PLEKHA7: variants seen among roughly 807,000 people sequenced by gnomAD.
The protein encoded by PLEKHA7 is pleckstrin homology domain-containing family A member 7.
A neutral mutation model predicts 170.0 loss-of-function variants in PLEKHA7; 104 were observed. That is an observed-to-expected ratio of 0.61 (90% confidence interval 0.52 to 0.72). PLEKHA7 has a LOEUF of 0.72. Ranked by LOEUF, PLEKHA7 falls within the 30% of genes least tolerant of loss-of-function variation. The pLI, the probability that PLEKHA7 is intolerant of heterozygous loss-of-function variation, is 0.00. For synonymous variants in PLEKHA7, 648 were observed against 660.8 expected, an observed-to-expected ratio of 0.98 and a Z score of 0.30; for missense variants, 1,615 against 1,671.7, an observed-to-expected ratio of 0.97 and a Z score of 0.59.
chr11:16,787,010 T>C (rs947560442), intron 23 of PLEKHA7: 1 of 983,924 alleles, frequency 1.0e-6, no homozygotes, highest in African/African-American at 1.7e-5. Flanking sequence ...AAAAAAAAAC[T>C]AAATCATATA....
chr11:16,842,318 T>A (rs1291587650), intron 8 of PLEKHA7: 1 of 154,840 alleles, frequency 6.5e-6, no homozygotes, highest in Non-Finnish European at 1.5e-5. Flanking sequence ...AGTCGGCTGA[T>A]CTGGCTGGCT....
At chr11:16,811,810 G>C (rs1455856758) in intron 13 of PLEKHA7, among the ~76,000 whole-genome samples, 2 of 152,112 alleles carry the variant, frequency 1.3e-5, no homozygotes, top group Non-Finnish European at 2.9e-5. Flanking sequence ...GCATGACCTA[G>C]TGCCACCTCC....
chr11:16,952,518 A>G (rs1290916159), intron 3 of PLEKHA7, among the ~76,000 whole-genome samples: 1 of 152,098 alleles, frequency 6.6e-6, no homozygotes, highest in Non-Finnish European at 1.5e-5. Flanking sequence ...AGTTTCTATC[A>G]TTTGCAGCTA....
chr11:17,007,961 A>G (rs1469659979), intron 3 of PLEKHA7, among the ~76,000 whole-genome samples: 1 of 152,214 alleles, frequency 6.6e-6, no homozygotes, highest in Non-Finnish European at 1.5e-5. Flanking sequence ...GCACCAAGCT[A>G]ATACTTTTTC....
intron 13 of PLEKHA7, among the ~76,000 whole-genome samples, chr11:16,811,058 G>A (rs1169135758): frequency 6.6e-6 from 1 of 152,128 alleles, no homozygotes; most frequent in African/African-American, 2.4e-5. Context: ...GACACTCAGG[G>A]ACTCTTAGTT....
intron 3 of PLEKHA7, among the ~76,000 whole-genome samples, chr11:16,974,098 A>C (rs995815634): frequency 6.6e-6 from 1 of 152,130 alleles, no homozygotes; most frequent in Non-Finnish European, 1.5e-5. Flanking sequence ...CTCACTTAAA[A>C]ATTTTAAAAT....
chr11:16,871,691 G>A (rs569216664), intron 3 of PLEKHA7, among the ~76,000 whole-genome samples: 1 of 152,254 alleles, frequency 6.6e-6, no homozygotes, highest in Admixed American at 6.5e-5. Flanking sequence ...GGATATAAAT[G>A]TATGGGCATG....
At chr11:16,797,342 G>A (rs114005140) in intron 17 of PLEKHA7, among the ~76,000 whole-genome samples, 157 of 152,184 alleles carry the variant, frequency 1.0e-3, no homozygotes, top group African/African-American at 3.6e-3. Context: ...ATCTCCTCTC[G>A]AGGCACCTAG....
chr11:16,822,045 C>G (rs1176491719), intron 10 of PLEKHA7, among the ~76,000 whole-genome samples: 1 of 151,852 alleles, frequency 6.6e-6, no homozygotes, highest in Non-Finnish European at 1.5e-5. Context: ...CCCCACCCAC[C>G]TCTCATTTCC....
intron 3 of PLEKHA7, among the ~76,000 whole-genome samples, chr11:16,935,276 A>G (rs177561): frequency 0.87 from 132,031 of 152,156 alleles, 57,310 homozygotes; most frequent in South Asian, 0.91. Context: ...CTCCACAAAA[A>G]TACAACATTA....
intron 3 of PLEKHA7, among the ~76,000 whole-genome samples, chr11:16,943,720 T>C (rs1297616897): frequency 1.3e-5 from 2 of 152,292 alleles, no homozygotes; most frequent in East Asian, 1.9e-4. Context: ...CTCGCATTCA[T>C]CATTTCATCA....
At chr11:16,925,608 T>C (rs1859462004) in intron 3 of PLEKHA7, among the ~76,000 whole-genome samples, 1 of 152,156 alleles carries the variant, frequency 6.6e-6, no homozygotes, top group Non-Finnish European at 1.5e-5. Flanking sequence ...CGCGGCTCCA[T>C]GCGACTGCTT....
chr11:16,865,441 T>C (rs1854307046), intron 4 of PLEKHA7, among the ~76,000 whole-genome samples: 1 of 152,160 alleles, frequency 6.6e-6, no homozygotes, highest in South Asian at 2.1e-4. Context: ...ATTAGCACTC[T>C]AGGCCAGGCG....
intron 4 of PLEKHA7, among the ~76,000 whole-genome samples, chr11:16,868,493 C>G (rs768402288): frequency 1.3e-5 from 2 of 152,190 alleles, no homozygotes; most frequent in Non-Finnish European, 2.9e-5. Flanking sequence ...ATTCCCTACT[C>G]AACTGTAAGC....
intron 3 of PLEKHA7, among the ~76,000 whole-genome samples, chr11:16,929,042 A>T (rs183875299): frequency 6.6e-6 from 1 of 152,352 alleles, no homozygotes; most frequent in East Asian, 1.9e-4. Flanking sequence ...AACATATAGT[A>T]CTTTGGTAAT....
chr11:16,968,797 C>T (rs983790628), intron 3 of PLEKHA7, among the ~76,000 whole-genome samples: 1 of 152,192 alleles, frequency 6.6e-6, no homozygotes, highest in African/African-American at 2.4e-5. Flanking sequence ...AGGGATTTCA[C>T]ATCCCCCACT....
chr11:16,974,136 C>T (rs1329915659), intron 3 of PLEKHA7, among the ~76,000 whole-genome samples: 1 of 152,086 alleles, frequency 6.6e-6, no homozygotes, highest in Non-Finnish European at 1.5e-5. Flanking sequence ...GTGGTGCACG[C>T]CTATCATCCC....
At chr11:16,806,224 G>A (rs926792382) in intron 13 of PLEKHA7, among the ~76,000 whole-genome samples, 1 of 152,232 alleles carries the variant, frequency 6.6e-6, no homozygotes, top group African/African-American at 2.4e-5. Context: ...TGGGCTTGAT[G>A]AGAGCTGTTT....
At chr11:16,951,388 A>C (rs1326008105) in intron 3 of PLEKHA7, among the ~76,000 whole-genome samples, 1 of 152,220 alleles carries the variant, frequency 6.6e-6, no homozygotes, top group Non-Finnish European at 1.5e-5. Flanking sequence ...AGAAGACAAC[A>C]ACAATAACGG....
Sources: allele counts gnomAD v4.1 joint callset (sites outside exome capture counted in the v4.1 genomes callset), GRCh38; gene constraint gnomAD v4.1.1; transcripts MANE v1.5; gene names NCBI Gene and HGNC (gene_info 2026-07-23, HGNC 2026-07-21).